UBE3A: variants seen among roughly 807,000 people sequenced by gnomAD.
UBE3A encodes ubiquitin protein ligase E3A.
A neutral mutation model predicts 83.4 loss-of-function variants in UBE3A; 6 were observed. The observed-to-expected ratio is 0.07, with a 90% CI of 0.04 to 0.14. The LOEUF (loss-of-function observed/expected upper bound fraction) is 0.14. UBE3A is among the 10% of genes least tolerant of loss of function. UBE3A has a pLI of 1.00. For missense variants in UBE3A, 456 were observed against 1,036.1 expected, an observed-to-expected ratio of 0.44 and a Z score of 7.69; for synonymous variants, 337 against 355.4, an observed-to-expected ratio of 0.95 and a Z score of 0.58.
chr15:25,367,201 ATTTG>A (rs2079319897), intron 6 of UBE3A, among the ~76,000 whole-genome samples: 1 of 100,582 alleles, frequency 9.9e-6, no homozygotes, highest in Admixed American at 8.5e-5. Context: ...ATATTTACAT[ATTTG>A]TAAATATGTA....
intron 1 of UBE3A, among the ~76,000 whole-genome samples, chr15:25,429,977 C>A (rs1279098738): frequency 7.5e-6 from 1 of 133,778 alleles, no homozygotes; most frequent in Non-Finnish European, 1.5e-5. Flanking sequence ...TGCACACCAG[C>A]CTGGGCAACA....
chr15:25,345,591 A>ACACACACAC, intron 11 of UBE3A: 1 of 126,012 alleles, frequency 7.9e-6, no homozygotes. Context: ...CACACACACA[A>ACACACACAC]ATAAATAAAT....
intron 3 of UBE3A, among the ~76,000 whole-genome samples, chr15:25,406,142 G>A (rs372986773): frequency 2.8e-4 from 42 of 152,184 alleles, no homozygotes; most frequent in Middle Eastern, 3.4e-3. Flanking sequence ...AACCGCTACC[G>A]CTACTCCAGA....
chr15:25,358,753 C>T (rs2077592415), intron 7 of UBE3A, among the ~76,000 whole-genome samples: 1 of 152,146 alleles, frequency 6.6e-6, no homozygotes, highest in African/African-American at 2.4e-5. Context: ...AAGCTTAGGA[C>T]ATTTTCTGAA....
intron 1 of UBE3A, among the ~76,000 whole-genome samples, chr15:25,412,739 G>C (rs1225901625): frequency 6.7e-6 from 1 of 150,064 alleles, no homozygotes; most frequent in African/African-American, 2.5e-5. Context: ...AACCTATCCA[G>C]TGTCCTAGAG....
chr15:25,348,277 A>G (rs1314100873), intron 11 of UBE3A, among the ~76,000 whole-genome samples: 1 of 152,192 alleles, frequency 6.6e-6, no homozygotes, highest in African/African-American at 2.4e-5. Context: ...GAAAAAAACA[A>G]TTCAATGAAG....
chr15:25,412,413 C>G (rs2090161088), intron 1 of UBE3A, among the ~76,000 whole-genome samples: 1 of 152,140 alleles, frequency 6.6e-6, no homozygotes, highest in African/African-American at 2.4e-5. Context: ...TTGGGCCGAC[C>G]CTCTGACCCT....
intron 9 of UBE3A, 87 bp downstream of exon 9, chr15:25,355,805 T>C: frequency 1.6e-6 from 2 of 1,267,678 alleles, no homozygotes; most frequent in Non-Finnish European, 2.2e-6. Flanking sequence ...GTACAGACTA[T>C]ATTAGATACT....
chr15:25,402,812 G>C (rs2087503093), intron 4 of UBE3A, among the ~76,000 whole-genome samples: 1 of 152,136 alleles, frequency 6.6e-6, no homozygotes, highest in South Asian at 2.1e-4. Flanking sequence ...CCACATTCAG[G>C]TAATCTCTCG....
Position 25,336,897 on chromosome 15 carries a change from AG to A in UBE3A, c.*2239del, listed in dbSNP as rs754776400. On this transcript the variant is annotated 3_prime_UTR_variant, in exon 13 of 13. Coordinates refer to ENST00000648336, the MANE Select transcript of UBE3A (RefSeq NM_130839.5). ...TTTTATAACATAACATTTGGGGTAGAGGAAGTATCCACTGTAGTCAAAATGT... is the reference window on the plus strand; with the variant it reads ...TTTTATAACATAACATTTGGGGTAGAGAAGTATCCACTGTAGTCAAAATGT... The A allele has an allele frequency of 2.6e-5, 4 of 152,150 alleles. No homozygotes were observed. Among genetic ancestry groups the A allele is most frequent in the Non-Finnish European group, 2.9e-5 (2 of 68,026 alleles). The allele number at this position is 152,150 out of a possible 1,614,324, so 9.4% of individuals were successfully genotyped here. A position where few individuals can be genotyped will look rare whatever the true frequency, so the allele number is the denominator to read the frequency against.
At chr15:25,429,361 G>A (rs925682318) in intron 1 of UBE3A, among the ~76,000 whole-genome samples, 1 of 151,872 alleles carries the variant, frequency 6.6e-6, no homozygotes, top group Non-Finnish European at 1.5e-5. Flanking sequence ...TCCAGGTGGT[G>A]GATAAATAGG....
In UBE3A at chr15:25,363,750, A is replaced by G. The variant is rs562040701; in HGVS notation, c.1609-3223T>C. ...ATTTTTTACAACAAATACATTTTTC[A>G]GAGTCAGAATGTGTTCAAATATAAA... is the stretch of plus-strand genomic sequence containing the variant. On this transcript the variant is annotated intron_variant, in intron 6 of 12. Coordinates refer to ENST00000648336, the MANE Select transcript of UBE3A (RefSeq NM_130839.5). 2.1e-4 allele frequency among the ~76,000 whole-genome samples: 32 copies of G among 152,190 alleles called. No individual in the cohort carries two copies. In the South Asian group the frequency reaches 6.4e-3, roughly 31 times the overall value.
At chr15:25,382,162 C>CA (rs981945373) in intron 4 of UBE3A, among the ~76,000 whole-genome samples, 11 of 150,692 alleles carry the variant, frequency 7.3e-5, no homozygotes, top group East Asian at 5.9e-4. Context: ...ACTAAAAATA[C>CA]AAAAAAAAAT....
intron 4 of UBE3A, among the ~76,000 whole-genome samples, chr15:25,398,810 TATATAAAA>T (rs2086354529): frequency 7.0e-5 from 5 of 71,478 alleles, no homozygotes; most frequent in Admixed American, 5.6e-4. Context: ...TATATATATA[TATATAAAA>T]ATACATATAT....
intron 4 of UBE3A, among the ~76,000 whole-genome samples, chr15:25,395,498 T>C (rs1327332810): frequency 6.6e-6 from 1 of 152,182 alleles, no homozygotes; most frequent in Non-Finnish European, 1.5e-5. Context: ...TTACCAATAA[T>C]TTGAGTATGT....
chr15:25,376,620 C>T (rs529908951), intron 4 of UBE3A, among the ~76,000 whole-genome samples: 7 of 152,084 alleles, frequency 4.6e-5, no homozygotes, highest in Non-Finnish European at 1.0e-4. Context: ...CCAGCCTGGG[C>T]AACAGAGCTA....
At chr15:25,408,639 G>A (rs764366280) in intron 3 of UBE3A, 1 of 1,613,778 alleles carries the variant, frequency 6.2e-7, no homozygotes, top group South Asian at 1.1e-5. Context: ...CACTGGTGCA[G>A]CTTCTCCATC....
At chr15:25,379,082 G>T (rs1233848355) in intron 4 of UBE3A, among the ~76,000 whole-genome samples, 1 of 152,138 alleles carries the variant, frequency 6.6e-6, no homozygotes, top group African/African-American at 2.4e-5. Context: ...CTTTCTGGAC[G>T]TAAGTTTCCT....
At position 25,375,550 on chromosome 15, in the gene UBE3A, A is replaced by G. The variant is rs760473859; in HGVS notation, c.276T>C (p.Ala92=). The change falls in exon 5 of 13, where the codon GCT becomes GCC. Residue 92 remains alanine (A), a synonymous_variant. Coordinates refer to ENST00000648336, the MANE Select transcript of UBE3A (RefSeq NM_130839.5). Reference sequence around the variant, plus strand: ...GGGCACCTTTCGAGTTCTCAAGGTAAGCTGAGCTTGCTCCTTTCTTGGAGG... The same window carrying G: ...GGGCACCTTTCGAGTTCTCAAGGTAGGCTGAGCTTGCTCCTTTCTTGGAGG... ...PHPSKKGASS[A]YLENSKGAPN... 3.1e-6 allele frequency: 5 copies of G among 1,614,172 alleles called. No individual in the cohort carries two copies. In the South Asian group the frequency reaches 5.5e-5, roughly 18 times the overall value.
Sources: allele counts gnomAD v4.1 joint callset (sites outside exome capture counted in the v4.1 genomes callset), GRCh38; gene constraint gnomAD v4.1.1; transcripts MANE v1.5; gene names NCBI Gene and HGNC (gene_info 2026-07-23, HGNC 2026-07-21).